Variants in LRCH1 observed in about 807,000 individuals in gnomAD.
The protein encoded by LRCH1 is leucine-rich repeat and calponin homology domain-containing protein 1.
Under a neutral mutation model 94.9 loss-of-function variants are expected in LRCH1, and 23 were observed. The ratio of observed to expected loss-of-function variants is 0.24; its 90% CI spans 0.17 to 0.34. The LOEUF (loss-of-function observed/expected upper bound fraction) is 0.34, where lower values mean the gene tolerates loss of function less well. LRCH1 is among the 10% of genes least tolerant of loss of function. The pLI, the probability that LRCH1 is intolerant of heterozygous loss-of-function variation, is 1.00. For synonymous variants in LRCH1, 364 were observed against 354.9 expected, an observed-to-expected ratio of 1.03 and a Z score of -0.29; for missense variants, 790 against 945.9, an observed-to-expected ratio of 0.84 and a Z score of 2.16.
At chr13:46,698,424 A>G (rs1192421555) in intron 9 of LRCH1, among the ~76,000 whole-genome samples, 5 of 152,244 alleles carry the variant, frequency 3.3e-5, no homozygotes, top group Non-Finnish European at 7.3e-5. Context: ...CCAAATAGCC[A>G]GTGTCACTAC....
intron 19 of LRCH1, 32 bp downstream of exon 19, chr13:46,734,030 T>A: frequency 7.9e-7 from 1 of 1,265,674 alleles, no homozygotes; most frequent in Non-Finnish European, 1.1e-6. Flanking sequence ...ATAACTGTGT[T>A]CTAGTAAAAA....
chr13:46,630,489 C>T (rs749279587), intron 1 of LRCH1, among the ~76,000 whole-genome samples: 6 of 152,176 alleles, frequency 3.9e-5, no homozygotes, highest in Non-Finnish European at 7.4e-5. Context: ...AGATGTATGT[C>T]TTTCTTATTT....
intron 1 of LRCH1, among the ~76,000 whole-genome samples, chr13:46,643,026 A>C (rs2051177643): frequency 6.6e-6 from 1 of 152,254 alleles, no homozygotes; most frequent in Non-Finnish European, 1.5e-5. Flanking sequence ...TTATAATAGA[A>C]TTAGAGCAAT....
rs569631479 is a variant in LRCH1 at position 46,567,077 on chromosome 13, GAACAGTTTACTGATATTTTCTATA to G, written c.307+13393_307+13416del. On this transcript the variant is annotated intron_variant, in intron 1 of 19. Coordinates refer to ENST00000389797, the MANE Select transcript of LRCH1 (RefSeq NM_001164211.2). ...AGACTTTGTAACACATGACCTAATTGAACAGTTTACTGATATTTTCTATAAACAGTTTACTGATATTTACTTTCC... is the reference window on the plus strand; with the variant it reads ...AGACTTTGTAACACATGACCTAATTGAACAGTTTACTGATATTTACTTTCC... Among the ~76,000 whole-genome samples the G allele has an allele frequency of 2.4e-3, 366 of 152,196 alleles. 1 individual carries two copies. The highest frequency in any genetic ancestry group is 8.3e-3 in the African/African-American group (346 of 41,536).
chr13:46,717,639 A>G (rs1357986980), intron 16 of LRCH1: 1 of 152,224 alleles, frequency 6.6e-6, no homozygotes, highest in African/African-American at 2.4e-5. Context: ...ATGTAATGCT[A>G]TCTTTGTAAA....
chr13:46,660,959 G>A (rs1279243516), intron 2 of LRCH1, among the ~76,000 whole-genome samples: 1 of 152,090 alleles, frequency 6.6e-6, no homozygotes, highest in Non-Finnish European at 1.5e-5. Context: ...CCTTGTTTCT[G>A]TTCATGCTCC....
In LRCH1 at chr13:46,581,718, G is replaced by A. The variant is rs527985141; in HGVS notation, c.307+28015G>A. On this transcript the variant is annotated intron_variant, in intron 1 of 19. Coordinates refer to ENST00000389797, the MANE Select transcript of LRCH1 (RefSeq NM_001164211.2). ...GTCCTTCGCCACTTTATATTGAACT[G>A]AGAAAAGGCGGGACAAAAGTCACAA... 2.0e-5 allele frequency among the ~76,000 whole-genome samples: 3 copies of A among 152,298 alleles called. No homozygotes were observed. In the East Asian group the frequency reaches 5.8e-4, roughly 29 times the overall value.
Position 46,741,896 on chromosome 13 carries a change from G to A in LRCH1, c.*48G>A, listed in dbSNP as rs375406276. On this transcript the variant is annotated 3_prime_UTR_variant, in exon 20 of 20. Coordinates refer to ENST00000389797, the MANE Select transcript of LRCH1 (RefSeq NM_001164211.2). The stretch of plus-strand genomic sequence containing the variant: ...CTGTGCTCTGTCGCCCTCAACCTTT[G>A]CAGGGTCCTTCCTACCTTTGAGCCT... 5 of 1,609,860 alleles carry A rather than the reference G, an allele frequency of 3.1e-6. No individual in the cohort carries two copies. The highest frequency in any genetic ancestry group is 4.2e-6 in the Non-Finnish European group (5 of 1,177,958).
At chr13:46,612,179 A>G (rs2050755087) in intron 1 of LRCH1, among the ~76,000 whole-genome samples, 2 of 152,192 alleles carry the variant, frequency 1.3e-5, no homozygotes, top group Admixed American at 1.3e-4. Context: ...TATGTGACAA[A>G]CCTGCACATC....
exon 19 of LRCH1, chr13:46,751,645 C>G (rs963971601): frequency 6.6e-6 from 1 of 152,182 alleles, no homozygotes; most frequent in African/African-American, 2.4e-5. Context: ...GTGTTAGCAT[C>G]GTGTGTCTTG....
chr13:46,553,257 C>T lies in LRCH1; in HGVS notation c.-140C>T. ...GCCCGCCCCCCATTCTACGCGCCTG[C>T]CCACACCCTCCTCCCCTCCTTCCAG... On this transcript the variant is annotated 5_prime_UTR_variant, in exon 1 of 20. Transcript: ENST00000389797. 1 of 582,788 alleles carries T rather than the reference C, an allele frequency of 1.7e-6. No individual in the cohort carries two copies. The highest frequency in any genetic ancestry group is 1.9e-5 in the South Asian group (1 of 52,238). The allele number at this position is 582,788 out of a possible 1,614,324, so 36.1% of individuals were successfully genotyped here. A position where few individuals can be genotyped will look rare whatever the true frequency, so the allele number is the denominator to read the frequency against.
intron 1 of LRCH1, among the ~76,000 whole-genome samples, chr13:46,565,021 C>T (rs1182783414): frequency 1.3e-5 from 2 of 152,148 alleles, no homozygotes; most frequent in African/African-American, 4.8e-5. Flanking sequence ...GGTCTTTGTC[C>T]CTGCTCTGCC....
intron 13 of LRCH1, among the ~76,000 whole-genome samples, chr13:46,710,996 C>T (rs1268585542): frequency 6.6e-6 from 1 of 152,102 alleles, no homozygotes; most frequent in East Asian, 1.9e-4. Context: ...CATCTGGCCA[C>T]TCTCATGGAC....
intron 1 of LRCH1, among the ~76,000 whole-genome samples, chr13:46,564,215 C>A (rs2050158570): frequency 6.6e-6 from 1 of 152,168 alleles, no homozygotes; most frequent in Non-Finnish European, 1.5e-5. Context: ...ACAAACGGGG[C>A]CATCAGCCTT....
At chr13:46,573,427 C>T (rs189029633) in intron 1 of LRCH1, among the ~76,000 whole-genome samples, 1 of 152,204 alleles carries the variant, frequency 6.6e-6, no homozygotes, top group Admixed American at 6.5e-5. Flanking sequence ...TATCTGCACC[C>T]CCATGTTTGT....
At chr13:46,671,591 G>A (rs2051601764) in intron 3 of LRCH1, among the ~76,000 whole-genome samples, 1 of 152,156 alleles carries the variant, frequency 6.6e-6, no homozygotes, top group Non-Finnish European at 1.5e-5. Flanking sequence ...CTGGTTCTAG[G>A]AAACAAAAAA....
intron 1 of LRCH1, among the ~76,000 whole-genome samples, chr13:46,590,880 A>C (rs1052824510): frequency 6.6e-6 from 1 of 152,152 alleles, no homozygotes; most frequent in African/African-American, 2.4e-5. Context: ...ATAGGTCTGT[A>C]TATCAGTGAC....
chr13:46,732,463 C>T (rs961175923), intron 18 of LRCH1, among the ~76,000 whole-genome samples: 8 of 152,148 alleles, frequency 5.3e-5, no homozygotes, highest in African/African-American at 9.7e-5. Flanking sequence ...TCTTTGAAGA[C>T]GCCCTCCCTC....
intron 1 of LRCH1, among the ~76,000 whole-genome samples, chr13:46,577,853 C>G (rs2050321082): frequency 6.6e-6 from 1 of 152,196 alleles, no homozygotes; most frequent in Non-Finnish European, 1.5e-5. Flanking sequence ...TCTCCCCACC[C>G]TCCAGACTGC....
Sources: allele counts gnomAD v4.1 joint callset (sites outside exome capture counted in the v4.1 genomes callset), GRCh38; gene constraint gnomAD v4.1.1; transcripts MANE v1.5; gene names NCBI Gene and HGNC (gene_info 2026-07-23, HGNC 2026-07-21).